TRAPPC9: variants seen among roughly 807,000 people sequenced by gnomAD.
The protein encoded by TRAPPC9 is trafficking protein particle complex subunit 9.
TRAPPC9 carries 83 observed loss-of-function variants against 124.0 expected under a neutral mutation model. The ratio of observed to expected loss-of-function variants is 0.67; its 90% CI spans 0.56 to 0.80. The LOEUF is 0.80. Among genes scored for constraint, TRAPPC9 ranks in the 30% least tolerant of loss-of-function variants. TRAPPC9 has a pLI of 0.00. For missense variants in TRAPPC9, 1,302 were observed against 1,508.3 expected (o/e 0.86, Z 2.27); for synonymous variants, 638 against 617.5 (o/e 1.03, Z -0.49).
In TRAPPC9 at chr8:140,435,177, T is replaced by A. The variant is rs2070771161; in HGVS notation, c.794A>T (p.Lys265Met). ...IYHYPGGTGGKSGARRFQGST... is the reference protein window; with the variant it reads ...IYHYPGGTGGMSGARRFQGST... Reference sequence around the variant, plus strand: ...GCCCTGGAACCTCCGAGCTCCACTCTTCCCACCAGTTCCACCAGGATAGTG... The same window carrying A: ...GCCCTGGAACCTCCGAGCTCCACTCATCCCACCAGTTCCACCAGGATAGTG... The change falls in exon 4 of 23, where the codon AAG becomes ATG. Residue 265 changes from lysine to methionine, a missense_variant. Transcript: ENST00000438773. 5.6e-6 allele frequency: 9 copies of A among 1,614,100 alleles called. No homozygotes were observed. In the East Asian group the frequency reaches 1.8e-4, roughly 32 times the overall value.
chr8:139,888,252 C>G (rs1473422874), intron 20 of TRAPPC9, among the ~76,000 whole-genome samples: 1 of 152,240 alleles, frequency 6.6e-6, no homozygotes, highest in Non-Finnish European at 1.5e-5. Flanking sequence ...CCTCTCTTCT[C>G]TTCGTGGAGC....
intron 21 of TRAPPC9, among the ~76,000 whole-genome samples, chr8:139,773,501 C>T (rs1465518225): frequency 6.6e-6 from 1 of 152,180 alleles, no homozygotes; most frequent in Non-Finnish European, 1.5e-5. Context: ...GGTGAGTCCT[C>T]CCCGGTGGAC....
At chr8:139,802,847 C>T (rs977311623) in intron 21 of TRAPPC9, among the ~76,000 whole-genome samples, 11 of 151,918 alleles carry the variant, frequency 7.2e-5, no homozygotes, top group African/African-American at 1.7e-4. Flanking sequence ...CGTGTGCATC[C>T]GTATCTGAAG....
chr8:140,456,605 A>C (rs1341854519), intron 1 of TRAPPC9, among the ~76,000 whole-genome samples: 2 of 152,034 alleles, frequency 1.3e-5, no homozygotes, highest in African/African-American at 2.4e-5. Flanking sequence ...AAAACGAACA[A>C]ACACACACAA....
chr8:139,876,756 T>C (rs1829346489), intron 21 of TRAPPC9, among the ~76,000 whole-genome samples: 2 of 152,176 alleles, frequency 1.3e-5, no homozygotes, highest in African/African-American at 4.8e-5. Flanking sequence ...AGCCCACCCA[T>C]CTTCCCTGTG....
intron 19 of TRAPPC9, among the ~76,000 whole-genome samples, chr8:139,966,338 G>A (rs1422866470): frequency 6.6e-6 from 1 of 152,170 alleles, no homozygotes; most frequent in African/African-American, 2.4e-5. Context: ...TCCTCTCTCT[G>A]CCAGGGCAGG....
chr8:140,136,542 A>T (rs1454008300), intron 17 of TRAPPC9, among the ~76,000 whole-genome samples: 3 of 151,976 alleles, frequency 2.0e-5, no homozygotes, highest in African/African-American at 7.3e-5. Context: ...GGAACTTAAA[A>T]CCTAGGGCAG....
At chr8:139,852,471 A>G (rs1362609965) in intron 21 of TRAPPC9, among the ~76,000 whole-genome samples, 1 of 152,142 alleles carries the variant, frequency 6.6e-6, no homozygotes, top group African/African-American at 2.4e-5. Context: ...GCGTGCTCTG[A>G]CAATATCTGT....
chr8:139,968,340 A>G (rs56294330), intron 19 of TRAPPC9, among the ~76,000 whole-genome samples: 24,366 of 152,216 alleles, frequency 0.16, 2,540 homozygotes, highest in African/African-American at 0.3. Context: ...CCTGGAAACC[A>G]GCCCCACTTA....
chr8:139,988,586 A>T, intron 19 of TRAPPC9, 140 bp downstream of exon 19: 1 of 658,868 alleles, frequency 1.5e-6, no homozygotes, highest in Non-Finnish European at 2.7e-6. Context: ...AAACTTGAAT[A>T]GTCACTACGG....
At chr8:139,960,146 A>G (rs1283607695) in intron 19 of TRAPPC9, among the ~76,000 whole-genome samples, 1 of 152,192 alleles carries the variant, frequency 6.6e-6, no homozygotes, top group Non-Finnish European at 1.5e-5. Context: ...CCAGGTTGGA[A>G]TTTAAATATA....
At chr8:139,981,488 C>T (rs912650944) in intron 19 of TRAPPC9, among the ~76,000 whole-genome samples, 1 of 152,164 alleles carries the variant, frequency 6.6e-6, no homozygotes, top group Non-Finnish European at 1.5e-5. Context: ...ATGAGCAATG[C>T]CAACACAGTA....
intron 15 of TRAPPC9, among the ~76,000 whole-genome samples, chr8:140,274,487 TG>T (rs1245901438): frequency 6.6e-6 from 1 of 152,200 alleles, no homozygotes; most frequent in African/African-American, 2.4e-5. Context: ...GGTTAGACAA[TG>T]CGGACGCAAA....
chr8:140,235,331 T>C (rs2063707301), intron 16 of TRAPPC9, among the ~76,000 whole-genome samples: 1 of 152,190 alleles, frequency 6.6e-6, no homozygotes, highest in Admixed American at 6.5e-5. Flanking sequence ...ATTCTCTTCA[T>C]TAAAAGACAA....
chr8:139,857,620 C>T (rs1403678235), intron 21 of TRAPPC9, among the ~76,000 whole-genome samples: 3 of 152,210 alleles, frequency 2.0e-5, no homozygotes, highest in East Asian at 1.9e-4. Context: ...ACAGGAGCTC[C>T]GTATGGTGCC....
At chr8:139,738,093 C>A (rs1302441072) in intron 21 of TRAPPC9, among the ~76,000 whole-genome samples, 1 of 152,218 alleles carries the variant, frequency 6.6e-6, no homozygotes, top group South Asian at 2.1e-4. Context: ...ACGAGGGAGG[C>A]AGACCCAGGG....
intron 20 of TRAPPC9, among the ~76,000 whole-genome samples, chr8:139,886,633 G>A (rs1830034720): frequency 6.6e-6 from 1 of 152,186 alleles, no homozygotes; most frequent in Non-Finnish European, 1.5e-5. Context: ...CAATAAAAGG[G>A]GAAAATTTTA....
intron 21 of TRAPPC9, among the ~76,000 whole-genome samples, chr8:139,800,930 C>T (rs1198392233): frequency 2.0e-5 from 3 of 151,478 alleles, no homozygotes; most frequent in East Asian, 3.9e-4. Flanking sequence ...CCTTCCCTCC[C>T]TCCGGCACCT....
At chr8:140,067,191 T>C (rs951130772) in intron 17 of TRAPPC9, among the ~76,000 whole-genome samples, 1 of 152,218 alleles carries the variant, frequency 6.6e-6, no homozygotes, top group Non-Finnish European at 1.5e-5. Context: ...TCTCCCAGGC[T>C]GGAGTGCAAT....
Sources: gnomAD v4.1 joint callset for allele counts (sites outside exome capture counted in the v4.1 genomes callset) on GRCh38, gnomAD v4.1.1 for gene constraint, MANE v1.5 for transcripts, NCBI Gene and HGNC (gene_info 2026-07-23, HGNC 2026-07-21) for gene names.